The following PER3 variants were observed in gnomAD, a reference collection of about 807,000 sequenced individuals.
The protein encoded by PER3 is period circadian protein homolog 3.
A neutral mutation model predicts 127.2 loss-of-function variants in PER3; 107 were observed. The observed-to-expected ratio is 0.84, with a 90% confidence interval of 0.72 to 0.99. The LOEUF (loss-of-function observed/expected upper bound fraction) is 0.99. Among genes scored for constraint, PER3 ranks in the 50% least tolerant of loss-of-function variants. The pLI is 0.00. For synonymous variants in PER3, 618 were observed against 585.8 expected, an observed-to-expected ratio of 1.05 and a Z score of -0.79; for missense variants, 1,560 against 1,525.8, an observed-to-expected ratio of 1.02 and a Z score of -0.37.
chr1:7,822,743 T>C (rs1263774428), intron 16 of PER3, among the ~76,000 whole-genome samples: 1 of 152,144 alleles, frequency 6.6e-6, no homozygotes, highest in Non-Finnish European at 1.5e-5. Flanking sequence ...TGACATAAAA[T>C]TGACTCAACA....
chr1:7,831,428 A>G (rs1265323729), intron 19 of PER3, among the ~76,000 whole-genome samples: 1 of 151,928 alleles, frequency 6.6e-6, no homozygotes, highest in Non-Finnish European at 1.5e-5. Context: ...TTCCGTCTGT[A>G]TGTCTTTATT....
rs566859207 is a variant in PER3 at position 7,838,764 on chromosome 1, C to T, written c.3549+1615C>T. On this transcript the variant is annotated intron_variant, in intron 21 of 21. Coordinates refer to ENST00000377532, the MANE Select transcript of PER3 (RefSeq NM_001377275.1). Reference sequence around the variant, plus strand: ...TGTCTTGGTGTGACTGACTTACAGACGTACCTACTCTCTTGGTTACTATCT... The same window carrying T: ...TGTCTTGGTGTGACTGACTTACAGATGTACCTACTCTCTTGGTTACTATCT... 7.9e-5 allele frequency among the ~76,000 whole-genome samples: 12 copies of T among 152,274 alleles called. No individual in the cohort carries two copies. In the South Asian group the frequency reaches 1.9e-3, roughly 24 times the overall value.
intron 4 of PER3, chr1:7,787,683 G>C: frequency 3.0e-6 from 1 of 332,254 alleles, no homozygotes; most frequent in South Asian, 2.6e-5. Context: ...TCTTGAAGAA[G>C]GTGAATCTTC....
At chr1:7,789,485 C>A (rs994911346) in intron 5 of PER3, among the ~76,000 whole-genome samples, 1 of 152,194 alleles carries the variant, frequency 6.6e-6, no homozygotes, top group African/African-American at 2.4e-5. Flanking sequence ...CCCCTCCTTG[C>A]CTTCTGCCGT....
At chr1:7,829,611 C>G (rs532331431) in intron 18 of PER3, among the ~76,000 whole-genome samples, 1 of 152,158 alleles carries the variant, frequency 6.6e-6, no homozygotes, top group Non-Finnish European at 1.5e-5. Flanking sequence ...CTATCACAGG[C>G]TGGAAGCAAT....
At chr1:7,821,460 CA>C (rs1378888463) in intron 16 of PER3, among the ~76,000 whole-genome samples, 1 of 152,124 alleles carries the variant, frequency 6.6e-6, no homozygotes, top group East Asian at 1.9e-4. Context: ...TCTAATTAGT[CA>C]AAAGTAGAGT....
intron 7 of PER3, among the ~76,000 whole-genome samples, chr1:7,800,232 A>C (rs187048179): frequency 1.4e-5 from 2 of 144,416 alleles, no homozygotes; most frequent in Non-Finnish European, 3.0e-5. Flanking sequence ...TTTTTTCTTG[A>C]GTCTCGCTCT....
intron 6 of PER3, among the ~76,000 whole-genome samples, chr1:7,797,232 G>GACACA (rs1417913704): frequency 6.6e-6 from 1 of 152,068 alleles, no homozygotes; most frequent in African/African-American, 2.4e-5. Context: ...GCAGCACCGG[G>GACACA]ACACAGCTCA....
At chr1:7,797,649 A>G (rs868647670) in intron 6 of PER3, among the ~76,000 whole-genome samples, 2 of 152,012 alleles carry the variant, frequency 1.3e-5, no homozygotes, top group African/African-American at 2.4e-5. Flanking sequence ...AAAAAAAAAA[A>G]AAAGAAAAAA....
In PER3 at chr1:7,842,874, C is replaced by A; in HGVS notation, c.*119C>A. On this transcript the variant is annotated 3_prime_UTR_variant, in exon 22 of 22. Transcript: ENST00000377532. ...TCATTGAATGTTAAGATTTTTTCTTCTTGATTTTTTAATACACGTAATCTT... is the reference window on the plus strand; with the variant it reads ...TCATTGAATGTTAAGATTTTTTCTTATTGATTTTTTAATACACGTAATCTT... The A allele has an allele frequency of 1.3e-6, 1 of 772,628 alleles. No individual in the cohort carries two copies. Among genetic ancestry groups the A allele is most frequent in the Non-Finnish European group, 1.9e-6 (1 of 513,042 alleles). The allele number at this position is 772,628 out of a possible 1,614,324, so 47.9% of individuals were successfully genotyped here.
intron 10 of PER3, among the ~76,000 whole-genome samples, chr1:7,807,543 C>A (rs2097200211): frequency 6.6e-6 from 1 of 152,174 alleles, no homozygotes; most frequent in South Asian, 2.1e-4. Context: ...ACAGCCCAGG[C>A]TTGGGGGTCA....
At chr1:7,827,865 TAA>T (rs1489395517) in intron 18 of PER3, 50 bp downstream of exon 18, 2 of 1,455,054 alleles carry the variant, frequency 1.4e-6, no homozygotes, top group African/African-American at 2.8e-5. Context: ...AATATCTTAC[TAA>T]AGTTAAGGTG....
intron 8 of PER3, among the ~76,000 whole-genome samples, 180 bp from the exon 9 acceptor site, chr1:7,802,867 G>T (rs1221225853): frequency 6.6e-6 from 1 of 152,240 alleles, no homozygotes; most frequent in African/African-American, 2.4e-5. Flanking sequence ...ACATGTGTTA[G>T]ATTATACAGC....
intron 21 of PER3, among the ~76,000 whole-genome samples, chr1:7,841,236 G>A (rs1365102446): frequency 6.6e-6 from 1 of 152,172 alleles, no homozygotes; most frequent in Non-Finnish European, 1.5e-5. Flanking sequence ...GGGCAGGAAG[G>A]GGGTCGCACA....
intron 8 of PER3, 29 bp from the exon 9 acceptor site, chr1:7,803,018 G>A: frequency 8.7e-7 from 1 of 1,143,106 alleles, no homozygotes; most frequent in South Asian, 1.2e-5. Flanking sequence ...TGATGAGTAT[G>A]CCACCTGTGT....
At chr1:7,799,396 AG>A (rs1179880667) in intron 7 of PER3, among the ~76,000 whole-genome samples, 1 of 152,112 alleles carries the variant, frequency 6.6e-6, no homozygotes, top group Non-Finnish European at 1.5e-5. Flanking sequence ...TGAGGTTAGG[AG>A]TTCGAGACCA....
chr1:7,795,721 G>A (rs1019189728), intron 6 of PER3, among the ~76,000 whole-genome samples: 31 of 152,364 alleles, frequency 2.0e-4, no homozygotes, highest in African/African-American at 7.5e-4. Flanking sequence ...TGCACGAAGT[G>A]TTTTATTTCA....
At chr1:7,787,250 A>T in intron 4 of PER3, 1 of 871,126 alleles carries the variant, frequency 1.1e-6, no homozygotes, top group Non-Finnish European at 1.4e-6. Context: ...AGAACAGGTG[A>T]GTTGAGATGC....
chr1:7,825,115 G>A (rs2097295416), intron 16 of PER3, among the ~76,000 whole-genome samples: 1 of 151,430 alleles, frequency 6.6e-6, no homozygotes, highest in South Asian at 2.1e-4. Context: ...AAAGCCCCCT[G>A]TGGTGCTCAT....
Sources: allele counts gnomAD v4.1 joint callset (sites outside exome capture counted in the v4.1 genomes callset), GRCh38; gene constraint gnomAD v4.1.1; transcripts MANE v1.5; gene names NCBI Gene and HGNC (gene_info 2026-07-23, HGNC 2026-07-21).